RHOT1: variants seen among roughly 807,000 people sequenced by gnomAD.
The protein encoded by RHOT1 is mitochondrial Rho GTPase 1.
A neutral mutation model predicts 95.3 loss-of-function variants in RHOT1; 27 were observed. The ratio of observed to expected loss-of-function variants is 0.28; its 90% confidence interval spans 0.21 to 0.39. The LOEUF (loss-of-function observed/expected upper bound fraction) is 0.39. Among genes scored for constraint, RHOT1 ranks in the 10% least tolerant of loss-of-function variants. The pLI is 1.00. For missense variants in RHOT1, 578 were observed against 786.7 expected, an observed-to-expected ratio of 0.73 and a Z score of 3.17; for synonymous variants, 227 against 263.5, an observed-to-expected ratio of 0.86 and a Z score of 1.34.
intron 6 of RHOT1, among the ~76,000 whole-genome samples, chr17:32,181,981 C>T (rs147572950): frequency 2.2e-4 from 33 of 152,288 alleles, no homozygotes; most frequent in African/African-American, 7.9e-4. Flanking sequence ...CTGTTCCTTC[C>T]TCCTCGCTTG....
intron 19 of RHOT1, among the ~76,000 whole-genome samples, chr17:32,215,090 T>G (rs554112746): frequency 1.5e-4 from 22 of 151,630 alleles, no homozygotes; most frequent in Admixed American, 5.9e-4. Context: ...TATTTTTAGT[T>G]TCGCCATGTC....
intron 3 of RHOT1, 54 bp from the exon 4 acceptor site, chr17:32,175,265 T>C: frequency 6.8e-7 from 1 of 1,481,238 alleles, no homozygotes; most frequent in Non-Finnish European, 9.4e-7. Context: ...GCTTGGCCAT[T>C]AGTTTTTATG....
At chr17:32,206,879 T>C (rs1012561877) in intron 16 of RHOT1, 31 bp from the exon 17 acceptor site, 10 of 1,436,888 alleles carry the variant, frequency 7.0e-6, no homozygotes, top group Non-Finnish European at 9.7e-6. Flanking sequence ...TTATGATACT[T>C]ATATTTTTCA....
intron 11 of RHOT1, among the ~76,000 whole-genome samples, chr17:32,195,291 C>T (rs2036794922): frequency 6.6e-6 from 1 of 151,720 alleles, no homozygotes; most frequent in African/African-American, 2.4e-5. Flanking sequence ...TTTTCTTTTT[C>T]TTTGTAGAAA....
intron 12 of RHOT1, 66 bp from the exon 13 acceptor site, chr17:32,199,339 G>A: frequency 2.8e-6 from 4 of 1,441,690 alleles, no homozygotes; most frequent in Non-Finnish European, 3.8e-6. Context: ...ACTAGATTGG[G>A]GGGCTTTTGA....
intron 16 of RHOT1, among the ~76,000 whole-genome samples, chr17:32,204,854 G>A (rs148545281): frequency 0.011 from 1,652 of 151,454 alleles, 19 homozygotes; most frequent in Middle Eastern, 0.017. Flanking sequence ...GTGGTGGCAC[G>A]TGCCTGTAAT....
At chr17:32,214,640 C>G (rs948448636) in intron 19 of RHOT1, among the ~76,000 whole-genome samples, 1 of 152,120 alleles carries the variant, frequency 6.6e-6, no homozygotes, top group Non-Finnish European at 1.5e-5. Context: ...ACCACCTTTC[C>G]CTGTTACTTC....
intron 1 of RHOT1, chr17:32,150,733 G>A: frequency 1.2e-6 from 2 of 1,602,842 alleles, no homozygotes; most frequent in East Asian, 2.2e-5. Flanking sequence ...AGGAACTGAG[G>A]CCACCAGCCT....
At chr17:32,200,468 G>A (rs1336713801) in intron 13 of RHOT1, among the ~76,000 whole-genome samples, 1 of 152,064 alleles carries the variant, frequency 6.6e-6, no homozygotes, top group Non-Finnish European at 1.5e-5. Flanking sequence ...ATTAAGAATG[G>A]CAGTGTAGGG....
intron 1 of RHOT1, chr17:32,151,272 G>A (rs1341633112): frequency 2.9e-6 from 2 of 684,476 alleles, no homozygotes; most frequent in Non-Finnish European, 5.6e-6. Context: ...CATTCTTGAT[G>A]CCTTCTCCAT....
chr17:32,206,173 A>G (rs2037707596), intron 16 of RHOT1, among the ~76,000 whole-genome samples: 1 of 147,970 alleles, frequency 6.8e-6, no homozygotes, highest in South Asian at 2.1e-4. Flanking sequence ...TCACTCACTA[A>G]TACTAGCTTC....
intron 8 of RHOT1, among the ~76,000 whole-genome samples, chr17:32,184,745 G>A (rs770742487): frequency 3.6e-4 from 55 of 151,964 alleles, no homozygotes; most frequent in South Asian, 2.3e-3. Flanking sequence ...CAGTCTTCCC[G>A]CCTCCACCTC....
chr17:32,173,818 T>C lies in RHOT1; in HGVS notation c.97-13T>C. The C allele has an allele frequency of 6.3e-7, 1 of 1,577,412 alleles. No individual in the cohort carries two copies. Among genetic ancestry groups the C allele is most frequent in the Non-Finnish European group, 8.6e-7 (1 of 1,159,312 alleles). On this transcript the variant is annotated splice_polypyrimidine_tract_variant and intron_variant, in intron 2 of 19. Transcript: ENST00000545287. ...AGGTGTTTTTTTTTTTCTATATTTG[T>C]TTGTAAATGAAGGTTCCTCCCCGGG...
Position 32,206,940 on chromosome 17 carries a change from A to G in RHOT1, c.1447A>G (p.Thr483Ala). 1 of 1,603,286 alleles carries G rather than the reference A, an allele frequency of 6.2e-7. No homozygotes were observed. The highest frequency in any genetic ancestry group is 1.3e-5 in the African/African-American group (1 of 74,500). ...TGATATCTCAGAATCGGAATTTCTA[A>G]CTGAAGCTGAAATCATTTGTGATGT... ...LHDISESEFL[T>A]EAEIICDVVC... The change falls in exon 17 of 20, where the codon ACT becomes GCT. Residue 483 changes from threonine (T) to alanine (A), a missense_variant. By Grantham distance (58) the Thr-to-Ala change is moderately conservative. Around this residue, in one of 4 missense-constraint regions of RHOT1, gnomAD observed 296 missense variants for 338.5 expected, o/e 0.87. Transcript: ENST00000545287.
At chr17:32,180,779 C>T (rs1178561574) in intron 6 of RHOT1, among the ~76,000 whole-genome samples, 2 of 144,024 alleles carry the variant, frequency 1.4e-5, no homozygotes, top group African/African-American at 5.1e-5. Context: ...CTGAATTAAA[C>T]AATTTTGGCT....
At chr17:32,151,649 G>A (rs1345797536) in intron 1 of RHOT1, 9 of 227,554 alleles carry the variant, frequency 4.0e-5, no homozygotes, top group Non-Finnish European at 8.0e-5. Flanking sequence ...TTGGGAGGCC[G>A]AGGTGGGCAG....
chr17:32,146,343 T>G (rs904039940), intron 1 of RHOT1, among the ~76,000 whole-genome samples: 1 of 152,224 alleles, frequency 6.6e-6, no homozygotes, highest in African/African-American at 2.4e-5. Context: ...AAAGAATGAA[T>G]GAGTTCAAGC....
chr17:32,184,959 C>G lies in RHOT1; in HGVS notation c.540+1687C>G, dbSNP rs548078593. On this transcript the variant is annotated intron_variant, in intron 8 of 19. Coordinates refer to ENST00000545287, the MANE Select transcript of RHOT1 (RefSeq NM_001033566.3). ...TTTTGAAGACAGAGTCTTGCTCTGT[C>G]ACCCAGGCTGGGGTGCAGTGACATG... 2.0e-5 allele frequency among the ~76,000 whole-genome samples: 3 copies of G among 152,160 alleles called. No individual in the cohort carries two copies. In the South Asian group the frequency reaches 6.2e-4, roughly 32 times the overall value.
intron 1 of RHOT1, among the ~76,000 whole-genome samples, chr17:32,163,600 C>T (rs555053276): frequency 3.2e-4 from 49 of 151,874 alleles, no homozygotes; most frequent in Non-Finnish European, 6.2e-4. Context: ...CGTGATGGTG[C>T]GCACCTGTAA....
Sources: allele counts gnomAD v4.1 joint callset (sites outside exome capture counted in the v4.1 genomes callset), GRCh38; gene constraint gnomAD v4.1.1; regional missense constraint gnomAD v4.1.1; transcripts MANE v1.5; gene names NCBI Gene and HGNC (gene_info 2026-07-23, HGNC 2026-07-21).